Variants in DLG2 observed in about 807,000 individuals in gnomAD.
The protein encoded by DLG2 is disks large homolog 2.
A neutral mutation model predicts 132.5 loss-of-function variants in DLG2; 45 were observed. That is an observed-to-expected ratio of 0.34 (90% CI 0.27 to 0.44). The LOEUF (loss-of-function observed/expected upper bound fraction) is 0.44. Ranked by LOEUF, DLG2 falls within the 20% of genes least tolerant of loss-of-function variation. DLG2 has a pLI of 1.00. For synonymous variants in DLG2, 424 were observed against 419.6 expected (o/e 1.01, Z -0.13); for missense variants, 1,045 against 1,196.9 (o/e 0.87, Z 1.87).
intron 7 of DLG2, among the ~76,000 whole-genome samples, chr11:84,496,801 G>A (rs1282450932): frequency 6.6e-6 from 1 of 152,106 alleles, no homozygotes; most frequent in Non-Finnish European, 1.5e-5. Context: ...GAAGCCCCAT[G>A]TGAAATGTGA....
chr11:83,959,779 A>G (rs1043376401), intron 14 of DLG2, among the ~76,000 whole-genome samples: 2 of 152,046 alleles, frequency 1.3e-5, no homozygotes, highest in Non-Finnish European at 2.9e-5. Flanking sequence ...TCAAATTTTG[A>G]TTCTATTTGA....
At chr11:84,508,150 C>A (rs142633870) in intron 7 of DLG2, among the ~76,000 whole-genome samples, 1 of 152,170 alleles carries the variant, frequency 6.6e-6, no homozygotes, top group South Asian at 2.1e-4. Context: ...TCTTATGATA[C>A]ACACATGTGC....
intron 7 of DLG2, among the ~76,000 whole-genome samples, chr11:84,492,168 C>G (rs1429142396): frequency 6.6e-6 from 1 of 152,110 alleles, no homozygotes; most frequent in African/African-American, 2.4e-5. Flanking sequence ...GAGGCACCAA[C>G]TGTTCTAGTA....
At chr11:84,849,129 G>T (rs1178030681) in intron 6 of DLG2, among the ~76,000 whole-genome samples, 1 of 152,168 alleles carries the variant, frequency 6.6e-6, no homozygotes, top group Non-Finnish European at 1.5e-5. Context: ...CATAGAGATG[G>T]AGAGAGGCCA....
intron 7 of DLG2, among the ~76,000 whole-genome samples, chr11:84,464,948 C>A (rs913403347): frequency 4.0e-5 from 6 of 151,116 alleles, no homozygotes; most frequent in Non-Finnish European, 8.9e-5. Context: ...ACAAAAAAAT[C>A]CGTTATAGGT....
intron 18 of DLG2, among the ~76,000 whole-genome samples, chr11:83,705,241 TA>T (rs1289233848): frequency 6.6e-6 from 1 of 152,124 alleles, no homozygotes; most frequent in Admixed American, 6.5e-5. Flanking sequence ...ATCTTCAATG[TA>T]AAAAAATTAT....
At chr11:84,719,928 G>T (rs2061608294) in intron 6 of DLG2, among the ~76,000 whole-genome samples, 1 of 152,120 alleles carries the variant, frequency 6.6e-6, no homozygotes, top group South Asian at 2.1e-4. Context: ...GCTCTAGGTG[G>T]TAGTAACCTG....
chr11:85,580,127 C>T (rs2078419265), intron 3 of DLG2, among the ~76,000 whole-genome samples: 1 of 152,166 alleles, frequency 6.6e-6, no homozygotes, highest in Non-Finnish European at 1.5e-5. Context: ...CTGCCACCAT[C>T]CATGTAGGAT....
chr11:84,851,489 C>T (rs1401268580), intron 6 of DLG2, among the ~76,000 whole-genome samples: 2 of 152,032 alleles, frequency 1.3e-5, no homozygotes, highest in Non-Finnish European at 2.9e-5. Flanking sequence ...CTTCAGCCCC[C>T]ACTGTTAGCT....
chr11:83,983,835 T>C (rs908139358), intron 11 of DLG2, among the ~76,000 whole-genome samples: 9 of 152,030 alleles, frequency 5.9e-5, no homozygotes, highest in Admixed American at 5.9e-4. Flanking sequence ...AAAATACATA[T>C]CAGCTCATGT....
intron 2 of DLG2, among the ~76,000 whole-genome samples, chr11:85,618,331 A>G (rs1033881686): frequency 6.6e-6 from 1 of 152,234 alleles, no homozygotes; most frequent in Non-Finnish European, 1.5e-5. Flanking sequence ...ATGGTAACAT[A>G]GTATTAAGAA....
At chr11:84,175,574 G>T in intron 8 of DLG2, among the ~76,000 whole-genome samples, 1 of 151,874 alleles carries the variant, frequency 6.6e-6, no homozygotes, top group African/African-American at 2.4e-5. Context: ...TCTAAATATA[G>T]GTCACCCTTT....
intron 7 of DLG2, among the ~76,000 whole-genome samples, chr11:84,473,085 G>T (rs79539112): frequency 0.078 from 11,872 of 151,938 alleles, 1,547 homozygotes; most frequent in African/African-American, 0.27. Context: ...TAGATATGGA[G>T]AGTTGTCATA....
chr11:83,865,249 G>C, intron 16 of DLG2, among the ~76,000 whole-genome samples: 1 of 152,116 alleles, frequency 6.6e-6, no homozygotes, highest in East Asian at 1.9e-4. Flanking sequence ...AGCCATCTAG[G>C]TTGCAGTCAA....
intron 6 of DLG2, among the ~76,000 whole-genome samples, chr11:84,964,966 T>A (rs1466419337): frequency 5.3e-5 from 8 of 152,166 alleles, no homozygotes; most frequent in Admixed American, 5.2e-4. Flanking sequence ...TATTTTCATA[T>A]CCATGTCCTC....
In DLG2 at chr11:83,456,439, G is replaced by C. The variant is rs1036905873; in HGVS notation, c.*3379C>G. On this transcript the variant is annotated 3_prime_UTR_variant, in exon 28 of 28. Transcript: ENST00000376104. ...GACTTGCTGTCTGAATCAGCCATGAGCCCTTTAGAGGACAGAAAAATCAAT... is the reference window on the plus strand; with the variant it reads ...GACTTGCTGTCTGAATCAGCCATGACCCCTTTAGAGGACAGAAAAATCAAT... 1 of 152,690 alleles carries C rather than the reference G, an allele frequency of 6.5e-6. No individual in the cohort carries two copies. The highest frequency in any genetic ancestry group is 2.1e-4 in the South Asian group (1 of 4,830). 9.5% of individuals were successfully genotyped at this position (152,690 alleles called of 1,614,324 possible).
chr11:84,878,073 A>G (rs1190228142), intron 6 of DLG2, among the ~76,000 whole-genome samples: 1 of 152,198 alleles, frequency 6.6e-6, no homozygotes, highest in African/African-American at 2.4e-5. Context: ...CAGATGCTGG[A>G]GAGTATGTGA....
chr11:85,147,146 T>C (rs1471240593), intron 5 of DLG2, among the ~76,000 whole-genome samples: 1 of 152,176 alleles, frequency 6.6e-6, no homozygotes, highest in African/African-American at 2.4e-5. Context: ...TAGTGTCTCT[T>C]TCCTTGATAT....
intron 18 of DLG2, among the ~76,000 whole-genome samples, chr11:83,758,956 G>A (rs1292234915): frequency 1.3e-5 from 2 of 152,094 alleles, no homozygotes; most frequent in Admixed American, 1.3e-4. Context: ...AGGCCACAGA[G>A]AAAGTACACT....
Sources: gnomAD v4.1 joint callset for allele counts (sites outside exome capture counted in the v4.1 genomes callset) on GRCh38, gnomAD v4.1.1 for gene constraint, MANE v1.5 for transcripts, NCBI Gene and HGNC (gene_info 2026-07-23, HGNC 2026-07-21) for gene names.